RGS6: variants seen among roughly 807,000 people sequenced by gnomAD.
RGS6 encodes regulator of G-protein signaling 6.
RGS6 carries 30 observed loss-of-function variants against 78.5 expected under a neutral mutation model. That is an observed-to-expected ratio of 0.38 (90% CI 0.29 to 0.52). The LOEUF is 0.52. RGS6 is among the 20% of genes least tolerant of loss of function. The probability of loss-of-function intolerance (pLI) is 0.85; values close to 1 mark genes in which losing one functional copy is unlikely to be tolerated. For missense variants in RGS6, 495 were observed against 609.7 expected, an observed-to-expected ratio of 0.81 and a Z score of 1.98; for synonymous variants, 206 against 206.0, an observed-to-expected ratio of 1.00 and a Z score of 0.00.
At chr14:72,107,826 C>T (rs1389927772) in intron 2 of RGS6, among the ~76,000 whole-genome samples, 1 of 152,094 alleles carries the variant, frequency 6.6e-6, no homozygotes, top group Non-Finnish European at 1.5e-5. Flanking sequence ...GTCATAATTA[C>T]TCATTTGCAT....
chr14:72,006,533 T>TA (rs978186492), intron 2 of RGS6, among the ~76,000 whole-genome samples: 6 of 152,116 alleles, frequency 3.9e-5, no homozygotes, highest in Non-Finnish European at 7.4e-5. Context: ...CAAGAGCTAA[T>TA]AAAAAATGGA....
At chr14:72,443,102 A>G (rs2095260903) in intron 3 of RGS6, among the ~76,000 whole-genome samples, 1 of 152,178 alleles carries the variant, frequency 6.6e-6, no homozygotes, top group Admixed American at 6.5e-5. Context: ...CTCCACCAGG[A>G]GATCAGCTCC....
At chr14:72,413,475 A>T (rs2093580480) in intron 3 of RGS6, among the ~76,000 whole-genome samples, 1 of 152,032 alleles carries the variant, frequency 6.6e-6, no homozygotes, top group African/African-American at 2.4e-5. Context: ...TGCACGTGAG[A>T]TGGGTTTCCT....
At chr14:72,336,062 C>T (rs1462761960) in intron 2 of RGS6, among the ~76,000 whole-genome samples, 2 of 152,204 alleles carry the variant, frequency 1.3e-5, no homozygotes, top group Non-Finnish European at 2.9e-5. Flanking sequence ...AGATCAAATT[C>T]ACCTTTTTCT....
chr14:71,985,982 C>T (rs897380059), intron 2 of RGS6, among the ~76,000 whole-genome samples: 1 of 152,182 alleles, frequency 6.6e-6, no homozygotes, highest in African/African-American at 2.4e-5. Context: ...TACAAAAGCA[C>T]AGTTCTGAGA....
At chr14:72,516,676 C>T (rs1274872938) in intron 14 of RGS6, 1 of 152,694 alleles carries the variant, frequency 6.5e-6, no homozygotes, top group Non-Finnish European at 1.5e-5. Flanking sequence ...TCAGCTCCCC[C>T]TCACAGGACC....
intron 3 of RGS6, among the ~76,000 whole-genome samples, chr14:72,430,094 C>T (rs1597399057): frequency 6.6e-6 from 1 of 152,270 alleles, no homozygotes; most frequent in East Asian, 1.9e-4. Context: ...TTCTTTACAG[C>T]AGTATGAAAA....
rs117133365 is a variant in RGS6, at chr14:72,084,850, G to A, written c.84+119975G>A. Among the ~76,000 whole-genome samples, 19 of 152,240 alleles carry A rather than the reference G, an allele frequency of 1.2e-4. No homozygotes were observed. In the East Asian group the frequency reaches 3.7e-3, roughly 29 times the overall value. On this transcript the variant is annotated intron_variant, in intron 2 of 17. Transcript: ENST00000553525. ...GGCTGCTCATGTTCCTGAAGAGCGA[G>A]TTGTTCTCAAATAATAAACTAAGCT...
At chr14:71,985,958 A>G (rs2094694593) in intron 2 of RGS6, among the ~76,000 whole-genome samples, 1 of 152,142 alleles carries the variant, frequency 6.6e-6, no homozygotes. Flanking sequence ...TGCTTCTTAT[A>G]TTTTAAAGCT....
At chr14:72,308,616 A>G (rs1001297731) in intron 2 of RGS6, among the ~76,000 whole-genome samples, 4 of 152,186 alleles carry the variant, frequency 2.6e-5, no homozygotes, top group African/African-American at 9.7e-5. Context: ...TTAGTATGAA[A>G]ATTTGTTCAA....
chr14:72,188,471 A>G (rs1474748132), intron 2 of RGS6, among the ~76,000 whole-genome samples: 2 of 94,554 alleles, frequency 2.1e-5, no homozygotes, highest in East Asian at 2.6e-4. Context: ...GGTGCTAACT[A>G]TAGCAGTTAT....
At chr14:72,176,093 G>T (rs2097101477) in intron 2 of RGS6, among the ~76,000 whole-genome samples, 1 of 152,148 alleles carries the variant, frequency 6.6e-6, no homozygotes, top group Non-Finnish European at 1.5e-5. Flanking sequence ...AATCTCATAG[G>T]TGGCCCTGAG....
chr14:72,271,882 C>T (rs1241689506), intron 2 of RGS6, among the ~76,000 whole-genome samples: 1 of 151,842 alleles, frequency 6.6e-6, no homozygotes, highest in Non-Finnish European at 1.5e-5. Context: ...TTCTTCAAAG[C>T]CAGCAGCAGT....
chr14:72,085,458 CAG>C (rs2094989738), intron 2 of RGS6, among the ~76,000 whole-genome samples: 1 of 152,146 alleles, frequency 6.6e-6, no homozygotes, highest in South Asian at 2.1e-4. Flanking sequence ...AGATATGAGA[CAG>C]GGTCCCAGCC....
intron 2 of RGS6, among the ~76,000 whole-genome samples, chr14:72,271,068 A>T (rs747939425): frequency 2.0e-5 from 3 of 152,212 alleles, no homozygotes; most frequent in Non-Finnish European, 4.4e-5. Flanking sequence ...AAGCAGCATC[A>T]GCCATGTGTC....
the RGS6 span, among the ~76,000 whole-genome samples, chr14:71,880,949 C>T: frequency 3.9e-5 from 6 of 152,148 alleles, no homozygotes; most frequent in Non-Finnish European, 8.8e-5. Flanking sequence ...TGACAGCAGC[C>T]GGGAGGGAGG....
rs536905001 is a variant in RGS6, at chr14:72,319,340, GA to G, written c.85-32753del. ...CACTGATGTAGCTCTCCAGAGAACTGAAGGGGGAAATTTTTTTTTTTTTTTT... is the reference window on the plus strand; with the variant it reads ...CACTGATGTAGCTCTCCAGAGAACTGAGGGGGAAATTTTTTTTTTTTTTTT... On this transcript the variant is annotated intron_variant, in intron 2 of 17. Transcript: ENST00000553525. 4.0e-5 allele frequency among the ~76,000 whole-genome samples: 6 copies of G among 151,094 alleles called. 1 individual carries two copies. The South Asian group carries it at 1.3e-3, about 31-fold the overall frequency.
upstream of RGS6, among the ~76,000 whole-genome samples, chr14:71,928,760 G>A (rs556330489): frequency 6.6e-6 from 1 of 152,310 alleles, no homozygotes; most frequent in East Asian, 1.9e-4. Flanking sequence ...CAGGATCCTT[G>A]CATGCAGTGT....
chr14:72,047,242 C>CTAT (rs2092920512), intron 2 of RGS6, among the ~76,000 whole-genome samples: 1 of 152,258 alleles, frequency 6.6e-6, no homozygotes, highest in African/African-American at 2.4e-5. Context: ...AGTGGTTAAG[C>CTAT]TATAGAAGCC....
Sources: gnomAD v4.1 joint callset for allele counts (sites outside exome capture counted in the v4.1 genomes callset) on GRCh38, gnomAD v4.1.1 for gene constraint, MANE v1.5 for transcripts, NCBI Gene and HGNC (gene_info 2026-07-23, HGNC 2026-07-21) for gene names.